The following UVRAG variants were observed in gnomAD, a reference collection of about 807,000 sequenced individuals.
UVRAG encodes the protein UV radiation resistance associated.
UVRAG carries 19 observed loss-of-function variants against 78.0 expected under a neutral mutation model. The ratio of observed to expected loss-of-function variants is 0.24; its 90% CI spans 0.17 to 0.36. The LOEUF (loss-of-function observed/expected upper bound fraction) is 0.36, where lower values mean the gene tolerates loss of function less well. UVRAG is among the 10% of genes least tolerant of loss of function. The pLI is 1.00. For synonymous variants in UVRAG, 323 were observed against 324.6 expected (o/e 1.00, Z 0.05); for missense variants, 740 against 853.8 (o/e 0.87, Z 1.66).
intron 12 of UVRAG, among the ~76,000 whole-genome samples, chr11:76,027,213 G>A (rs1485065670): frequency 6.6e-6 from 1 of 152,082 alleles, no homozygotes; most frequent in Admixed American, 6.6e-5. Context: ...ATAGGAGATG[G>A]AAGAAGTATT....
intron 2 of UVRAG, among the ~76,000 whole-genome samples, chr11:75,861,083 G>A (rs543181674): frequency 6.6e-6 from 1 of 152,268 alleles, no homozygotes; most frequent in South Asian, 2.1e-4. Context: ...CATTTTGATT[G>A]CATCTTTGAG....
chr11:75,895,613 A>C (rs1420913398), intron 5 of UVRAG, among the ~76,000 whole-genome samples: 4 of 151,372 alleles, frequency 2.6e-5, no homozygotes, highest in Non-Finnish European at 5.9e-5. Context: ...TTTATTTGGC[A>C]TACAAATGTG....
chr11:75,925,548 A>G (rs2135083896), intron 6 of UVRAG, among the ~76,000 whole-genome samples: 1 of 152,290 alleles, frequency 6.6e-6, no homozygotes, highest in Middle Eastern at 3.4e-3. Flanking sequence ...TTAGGGATTT[A>G]TATTCTAGTA....
chr11:75,975,068 A>G (rs1949208367), intron 7 of UVRAG, among the ~76,000 whole-genome samples: 1 of 152,184 alleles, frequency 6.6e-6, no homozygotes, highest in Non-Finnish European at 1.5e-5. Flanking sequence ...AGGTGTAAGG[A>G]AGGGATCCAG....
At chr11:76,093,701 T>C (rs573477108) in intron 13 of UVRAG, among the ~76,000 whole-genome samples, 1 of 152,366 alleles carries the variant, frequency 6.6e-6, no homozygotes, top group East Asian at 1.9e-4. Flanking sequence ...TTTTTGCACA[T>C]TGATTTTGTA....
intron 12 of UVRAG, among the ~76,000 whole-genome samples, chr11:76,057,602 C>G (rs1951007144): frequency 6.6e-6 from 1 of 152,198 alleles, no homozygotes; most frequent in African/African-American, 2.4e-5. Context: ...TAACCCCCCA[C>G]AGCCAGCCAT....
In UVRAG at chr11:75,846,042, T is replaced by A. The variant is rs148857262; in HGVS notation, c.118-5841T>A. Among the ~76,000 whole-genome samples, 158 of 152,344 alleles carry A rather than the reference T, an allele frequency of 1.0e-3. 1 individual carries two copies. The highest frequency in any genetic ancestry group is 3.4e-3 in the African/African-American group (142 of 41,584). On this transcript the variant is annotated intron_variant, in intron 1 of 14. Transcript: ENST00000356136. ...TACTTTCCTGAGATATTTGAACCGATTTAGATCATAAAAATGTTTGGCTTA... is the reference window on the plus strand; with the variant it reads ...TACTTTCCTGAGATATTTGAACCGAATTAGATCATAAAAATGTTTGGCTTA...
At chr11:75,828,803 A>ATTTT (rs1412890541) in intron 1 of UVRAG, among the ~76,000 whole-genome samples, 1,147 of 85,320 alleles carry the variant, frequency 0.013, 23 homozygotes, top group African/African-American at 0.018. Context: ...ATATATATAT[A>ATTTT]TATTTTTTTT....
Position 75,877,117 on chromosome 11 carries a change from T to C in UVRAG, c.271-2762T>C, listed in dbSNP as rs546706904. Among the ~76,000 whole-genome samples the C allele has an allele frequency of 4.6e-3, 692 of 151,842 alleles. 3 individuals carry two copies. The highest frequency in any genetic ancestry group is 0.015 in the African/African-American group (633 of 41,228). ...CATCTTGCACCGCCCTTAATCCATT[T>C]AACCCTGAGTGGACACAGCACATGT... On this transcript the variant is annotated intron_variant, in intron 3 of 14. Coordinates refer to ENST00000356136, the MANE Select transcript of UVRAG (RefSeq NM_003369.4).
At chr11:76,125,627 G>A (rs932804203) in intron 14 of UVRAG, among the ~76,000 whole-genome samples, 4 of 152,134 alleles carry the variant, frequency 2.6e-5, no homozygotes, top group African/African-American at 7.2e-5. Context: ...GTATCCCGGC[G>A]CCGCCTCTCC....
At chr11:75,834,821 A>C (rs1945743428) in intron 1 of UVRAG, among the ~76,000 whole-genome samples, 3 of 152,242 alleles carry the variant, frequency 2.0e-5, no homozygotes, top group East Asian at 3.9e-4. Context: ...CTCAAAAAAA[A>C]CAAAAAACAA....
At chr11:75,997,789 G>T (rs1325241674) in intron 8 of UVRAG, among the ~76,000 whole-genome samples, 2 of 152,220 alleles carry the variant, frequency 1.3e-5, no homozygotes, top group African/African-American at 4.8e-5. Context: ...GAGGCTTCAA[G>T]CTTGGAATTT....
chr11:75,877,591 G>A (rs1298900363), intron 3 of UVRAG, among the ~76,000 whole-genome samples: 2 of 144,644 alleles, frequency 1.4e-5, no homozygotes, highest in African/African-American at 2.6e-5. Context: ...CGTACGGGTC[G>A]GCTGGCCGGG....
At chr11:76,054,807 T>A (rs1176889916) in intron 12 of UVRAG, among the ~76,000 whole-genome samples, 1 of 152,248 alleles carries the variant, frequency 6.6e-6, no homozygotes, top group African/African-American at 2.4e-5. Flanking sequence ...TTTGTCATTT[T>A]GTTCACTGTG....
intron 13 of UVRAG, among the ~76,000 whole-genome samples, chr11:76,084,783 C>T (rs1951554778): frequency 6.6e-6 from 1 of 151,946 alleles, no homozygotes; most frequent in Non-Finnish European, 1.5e-5. Flanking sequence ...TTGTTCTGGC[C>T]AGTCGCAGTG....
At chr11:76,058,071 C>A (rs1387893152) in intron 12 of UVRAG, among the ~76,000 whole-genome samples, 1 of 151,980 alleles carries the variant, frequency 6.6e-6, no homozygotes, top group Non-Finnish European at 1.5e-5. Flanking sequence ...GTAGGTCATC[C>A]CACCAGTTAT....
In UVRAG at chr11:76,110,928, G is replaced by A. The variant is rs915685762; in HGVS notation, c.1306-4996G>A. On this transcript the variant is annotated intron_variant, in intron 13 of 14. Coordinates refer to ENST00000356136, the MANE Select transcript of UVRAG (RefSeq NM_003369.4). Reference sequence around the variant, plus strand: ...GGCTGGAGTGCAGTGGCACAATCTCGGCTGACTGCAACCTCCACCTCCCAG... The same window carrying A: ...GGCTGGAGTGCAGTGGCACAATCTCAGCTGACTGCAACCTCCACCTCCCAG... 2.9e-4 allele frequency among the ~76,000 whole-genome samples: 44 copies of A among 151,836 alleles called. 1 individual carries two copies. The highest frequency in any genetic ancestry group is 1.8e-4 in the Non-Finnish European group (12 of 67,964).
At chr11:76,112,124 G>A (rs569657547) in intron 13 of UVRAG, among the ~76,000 whole-genome samples, 57 of 152,150 alleles carry the variant, frequency 3.7e-4, no homozygotes, top group African/African-American at 1.3e-3. Flanking sequence ...ATGAAAGACC[G>A]AAATGAAGGC....
intron 13 of UVRAG, among the ~76,000 whole-genome samples, chr11:76,086,463 A>G (rs1951590777): frequency 6.6e-6 from 1 of 152,208 alleles, no homozygotes; most frequent in South Asian, 2.1e-4. Context: ...GTATCCTTTC[A>G]TATTTGAAAT....
Sources: allele counts gnomAD v4.1 joint callset (sites outside exome capture counted in the v4.1 genomes callset), GRCh38; gene constraint gnomAD v4.1.1; transcripts MANE v1.5; gene names NCBI Gene and HGNC (gene_info 2026-07-23, HGNC 2026-07-21).